The following EDIL3 variants were observed in gnomAD, a reference collection of about 807,000 sequenced individuals.
EDIL3 encodes the protein EGF-like repeat and discoidin I-like domain-containing protein 3.
EDIL3 carries 37 observed loss-of-function variants against 67.4 expected under a neutral mutation model. The observed-to-expected ratio is 0.55, with a 90% CI of 0.42 to 0.72. The LOEUF is 0.72. EDIL3 is among the 30% of genes least tolerant of loss of function. The pLI, the probability that EDIL3 is intolerant of heterozygous loss-of-function variation, is 0.00. For synonymous variants in EDIL3, 195 were observed against 196.3 expected (o/e 0.99, Z 0.05); for missense variants, 527 against 586.3 (o/e 0.90, Z 1.04).
At chr5:84,053,862 T>C (rs891255563) in intron 9 of EDIL3, among the ~76,000 whole-genome samples, 7 of 151,864 alleles carry the variant, frequency 4.6e-5, no homozygotes, top group Non-Finnish European at 8.8e-5. Context: ...GATTCACAGC[T>C]GAATTCTACC....
intron 1 of EDIL3, among the ~76,000 whole-genome samples, chr5:84,256,253 T>C (rs1745122949): frequency 6.6e-6 from 1 of 152,086 alleles, no homozygotes; most frequent in African/African-American, 2.4e-5. Context: ...TGAGTACCTA[T>C]TGCATGGTAG....
chr5:84,041,570 T>C (rs1476754694), intron 9 of EDIL3, among the ~76,000 whole-genome samples: 4 of 134,428 alleles, frequency 3.0e-5, no homozygotes, highest in South Asian at 5.2e-4. Flanking sequence ...ATATATAGTA[T>C]ATATATGTAT....
At chr5:84,200,571 G>A (rs567939569) in intron 3 of EDIL3, among the ~76,000 whole-genome samples, 3 of 151,866 alleles carry the variant, frequency 2.0e-5, no homozygotes, top group African/African-American at 7.3e-5. Context: ...AAATTTAGCA[G>A]GGAAGCATTA....
chr5:84,165,569 A>G (rs918316232), intron 4 of EDIL3, among the ~76,000 whole-genome samples: 11 of 152,150 alleles, frequency 7.2e-5, no homozygotes, highest in Non-Finnish European at 1.5e-4. Flanking sequence ...CAACTGGGAA[A>G]TAGTAGCTGA....
In EDIL3 at chr5:84,319,190, T is replaced by TTTACACTGTTGGTG. The variant is rs1368085815; in HGVS notation, c.68-64979_68-64978insCACCAACAGTGTAA. On this transcript the variant is annotated intron_variant, in intron 1 of 10. Coordinates refer to ENST00000296591, the MANE Select transcript of EDIL3 (RefSeq NM_005711.5). Reference sequence around the variant, plus strand: ...GAGGATGTGAAGAAATAGGAATGCTTGGCCGGGCGCGGTGGCTCACGCCTG... The same window carrying TTTACACTGTTGGTG: ...GAGGATGTGAAGAAATAGGAATGCTTTTACACTGTTGGTGGGCCGGGCGCGGTGGCTCACGCCTG... 1.2e-3 allele frequency among the ~76,000 whole-genome samples: 143 copies of TTTACACTGTTGGTG among 124,102 alleles called. 5 individuals are homozygous for TTTACACTGTTGGTG. The highest frequency in any genetic ancestry group is 1.7e-3 in the South Asian group (6 of 3,518). 81.4% of individuals were successfully genotyped at this position (124,102 alleles called of 152,430 possible). A position where few individuals can be genotyped will look rare whatever the true frequency, so the allele number is the denominator to read the frequency against.
At chr5:84,266,954 A>C (rs1205162057) in intron 1 of EDIL3, among the ~76,000 whole-genome samples, 1 of 152,238 alleles carries the variant, frequency 6.6e-6, no homozygotes, top group Non-Finnish European at 1.5e-5. Flanking sequence ...TATCACATTT[A>C]AGCTTCATAA....
At chr5:84,177,145 A>G (rs1748931812) in intron 4 of EDIL3, among the ~76,000 whole-genome samples, 1 of 152,178 alleles carries the variant, frequency 6.6e-6, no homozygotes, top group South Asian at 2.1e-4. Context: ...ATGAATGTCT[A>G]TAGCAGCTTT....
At chr5:83,995,953 A>G (rs558381551) in intron 9 of EDIL3, among the ~76,000 whole-genome samples, 2 of 152,214 alleles carry the variant, frequency 1.3e-5, no homozygotes, top group African/African-American at 4.8e-5. Context: ...TAGGAAGCAT[A>G]AAGTATAGCC....
intron 3 of EDIL3, among the ~76,000 whole-genome samples, chr5:84,190,371 A>G (rs1051068983): frequency 1.3e-5 from 2 of 151,886 alleles, no homozygotes; most frequent in Admixed American, 1.3e-4. Flanking sequence ...CTCACAAGCC[A>G]TTCATTACAC....
intron 1 of EDIL3, among the ~76,000 whole-genome samples, chr5:84,354,163 C>T (rs1159374348): frequency 6.6e-6 from 1 of 152,090 alleles, no homozygotes; most frequent in South Asian, 2.1e-4. Context: ...AAGCCACATG[C>T]TAGTAATCTT....
chr5:84,319,112 C>T (rs1471399162), intron 1 of EDIL3, among the ~76,000 whole-genome samples: 1 of 151,958 alleles, frequency 6.6e-6, no homozygotes, highest in Non-Finnish European at 1.5e-5. Context: ...GATACTATCT[C>T]ACACCAGCTA....
chr5:84,371,448 T>TAG (rs1417769703), intron 1 of EDIL3, among the ~76,000 whole-genome samples: 23 of 93,240 alleles, frequency 2.5e-4, no homozygotes, highest in African/African-American at 1.1e-3. Flanking sequence ...TATATATATA[T>TAG]ATAGAGAGAG....
intron 6 of EDIL3, among the ~76,000 whole-genome samples, chr5:84,086,534 C>T (rs1291157894): frequency 6.6e-6 from 1 of 152,066 alleles, no homozygotes; most frequent in African/African-American, 2.4e-5. Context: ...GTTGGAAATG[C>T]AGAAATCAAC....
rs907422463 is a variant in EDIL3 at position 84,202,929 on chromosome 5, T to C, written c.227-22408A>G. 4.6e-5 allele frequency among the ~76,000 whole-genome samples: 7 copies of C among 151,992 alleles called. No individual in the cohort carries two copies. The East Asian group carries it at 1.2e-3, about 25-fold the overall frequency. ...AAGCTACCCAGATTTGGCAGTACTA[T>C]CCATAAAGGAACAAATAAAGCCTGA... On this transcript the variant is annotated intron_variant, in intron 3 of 10. Transcript: ENST00000296591.
In EDIL3 at chr5:84,262,659, G is replaced by GTTTTTTTTTTTTTTTT. The variant is rs773035274; in HGVS notation, c.68-8463_68-8448dup. Among the ~76,000 whole-genome samples the GTTTTTTTTTTTTTTTT allele has an allele frequency of 7.7e-3, 355 of 46,320 alleles. 103 individuals carry two copies. Among genetic ancestry groups the GTTTTTTTTTTTTTTTT allele is most frequent in the African/African-American group, 0.011 (125 of 11,474 alleles). 30.4% of individuals were successfully genotyped at this position (46,320 alleles called of 152,430 possible). On this transcript the variant is annotated intron_variant, in intron 1 of 10. Transcript: ENST00000296591. ...AAACTACAATTCCCAAGGTTGGTTG[G>GTTTTTTTTTTTTTTTT]TTTTTTTTTTTTTTTTTTTTTTTTT...
intron 1 of EDIL3, among the ~76,000 whole-genome samples, chr5:84,256,388 T>A (rs1160176331): frequency 2.0e-5 from 3 of 152,180 alleles, no homozygotes; most frequent in African/African-American, 7.2e-5. Context: ...GCAACTGGTA[T>A]ACATGATCCA....
intron 1 of EDIL3, among the ~76,000 whole-genome samples, chr5:84,376,758 T>C (rs879555119): frequency 1.3e-5 from 2 of 152,202 alleles, no homozygotes; most frequent in Non-Finnish European, 2.9e-5. Context: ...CAATTCAGTA[T>C]ATATTAAGTG....
At chr5:83,961,577 AT>A (rs1744608353) in intron 10 of EDIL3, among the ~76,000 whole-genome samples, 1 of 151,206 alleles carries the variant, frequency 6.6e-6, no homozygotes, top group Non-Finnish European at 1.5e-5. Flanking sequence ...AGATTTCACT[AT>A]AATAGACGTG....
intron 9 of EDIL3, among the ~76,000 whole-genome samples, chr5:84,056,833 A>G (rs2112231739): frequency 6.6e-6 from 1 of 152,268 alleles, no homozygotes; most frequent in African/African-American, 2.4e-5. Flanking sequence ...GTCTGATTTT[A>G]TAAATACATT....
Sources: allele counts gnomAD v4.1 joint callset (sites outside exome capture counted in the v4.1 genomes callset), GRCh38; gene constraint gnomAD v4.1.1; transcripts MANE v1.5; gene names NCBI Gene and HGNC (gene_info 2026-07-23, HGNC 2026-07-21).